SLC26A4: variants seen among roughly 807,000 people sequenced by gnomAD.
SLC26A4 encodes the protein pendrin.
A neutral mutation model predicts 90.4 loss-of-function variants in SLC26A4; 93 were observed. The observed-to-expected ratio is 1.03, with a 90% CI of 0.87 to 1.22. The LOEUF is 1.22. SLC26A4 is among the 50% of genes most tolerant of loss of function. The pLI is 0.00. For missense variants in SLC26A4, 1,127 were observed against 946.2 expected, an observed-to-expected ratio of 1.19 and a Z score of -2.51; for synonymous variants, 393 against 354.6, an observed-to-expected ratio of 1.11 and a Z score of -1.22.
chr7:107,691,205 T>C (rs1267159760), intron 10 of SLC26A4, among the ~76,000 whole-genome samples: 1 of 149,136 alleles, frequency 6.7e-6, no homozygotes, highest in East Asian at 2.0e-4. Context: ...CGGGGACACT[T>C]AAAAAATAAA....
chr7:107,662,117 T>A, intron 2 of SLC26A4: 3 of 460,714 alleles, frequency 6.5e-6, no homozygotes, highest in Non-Finnish European at 1.2e-5. Flanking sequence ...TGGGGTACAG[T>A]GGGTCCCTGT....
rs114760488 is a variant in SLC26A4, at chr7:107,661,268, G to C, written c.-3-371G>C. ...AGCCTTGCAAGCGCCTTTGGCCCCT[G>C]CCCCAGCCCCTCGGTTTGGGGGAGA... On this transcript the variant is annotated intron_variant, in intron 1 of 20. Transcript: ENST00000644269. This position sits in a 1 kb window ranked among gnomAD's most constrained non-coding sequence, Gnocchi z 5.1. The C allele has an allele frequency of 0.041, 13,713 of 337,172 alleles. 322 individuals are homozygous for C. Among genetic ancestry groups the C allele is most frequent in the Middle Eastern group, 0.063 (67 of 1,060 alleles). 20.9% of individuals were successfully genotyped at this position (337,172 alleles called of 1,614,324 possible).
intron 8 of SLC26A4, among the ~76,000 whole-genome samples, chr7:107,686,879 C>T (rs971213449): frequency 2.0e-5 from 3 of 152,188 alleles, no homozygotes; most frequent in Non-Finnish European, 4.4e-5. Context: ...CTCAGGCCTA[C>T]TGTTGTTTTT....
In SLC26A4 at chr7:107,700,171, C is replaced by T; in HGVS notation, c.1703C>T (p.Ser568Phe). ...GATGGTTTTAAAAAATGTATCAAGT[C>T]CACAGTAAGTATTTTATCCCTAGAA... Reference protein sequence around the residue: ...NVDGFKKCIKSTVGFDAIRVY... With the variant: ...NVDGFKKCIKFTVGFDAIRVY... The change falls in exon 15 of 21, where the codon TCC (serine) becomes TTC (phenylalanine). Residue 568 changes from serine to phenylalanine, a missense_variant. Ser to Phe is a radical substitution (Grantham distance 155). Coordinates refer to ENST00000644269, the MANE Select transcript of SLC26A4 (RefSeq NM_000441.2). 6.7e-7 allele frequency: 1 copy of T among 1,490,036 alleles called. No individual in the cohort carries two copies. The highest frequency in any genetic ancestry group is 9.4e-7 in the Non-Finnish European group (1 of 1,066,952). The allele number at this position is 1,490,036 out of a possible 1,614,324, so 92.3% of individuals were successfully genotyped here.
rs772655870 is a variant in SLC26A4 at position 107,689,206 on chromosome 7, G to C, written c.1149+6G>C. ...ACACCATCGATGGGAACCAGGTATG[G>C]GTGCCCTTTTGCTGAACTGGTTTTA... On this transcript the variant is annotated splice_donor_region_variant and intron_variant, in intron 9 of 20. Coordinates refer to ENST00000644269, the MANE Select transcript of SLC26A4 (RefSeq NM_000441.2). The C allele has an allele frequency of 6.2e-7, 1 of 1,613,332 alleles. No homozygotes were observed. Among genetic ancestry groups the C allele is most frequent in the African/African-American group, 1.3e-5 (1 of 74,824 alleles).
chr7:107,715,299 A>T, intron 20 of SLC26A4, 124 bp from the exon 21 acceptor site: 1 of 816,758 alleles, frequency 1.2e-6, no homozygotes, highest in Non-Finnish European at 2.2e-6. Context: ...TATTGTGATG[A>T]TATACACCTA....
chr7:107,664,310 A>G (rs1790651968), intron 3 of SLC26A4, among the ~76,000 whole-genome samples: 2 of 151,540 alleles, frequency 1.3e-5, no homozygotes, highest in South Asian at 4.2e-4. Context: ...GCTCAATGCA[A>G]CCTCTCTGCC....
intron 2 of SLC26A4, among the ~76,000 whole-genome samples, chr7:107,662,953 G>A (rs1790601566): frequency 6.6e-6 from 1 of 152,160 alleles, no homozygotes; most frequent in Non-Finnish European, 1.5e-5. Flanking sequence ...GCCTGGATTA[G>A]GAGTCTGAAA....
intron 10 of SLC26A4, chr7:107,693,381 G>T (rs1267236076): frequency 1.0e-6 from 1 of 985,240 alleles, no homozygotes; most frequent in East Asian, 1.1e-4. Context: ...TGATCAATTT[G>T]CCAGGTAGAG....
At chr7:107,687,243 A>G (rs1481910001) in intron 8 of SLC26A4, among the ~76,000 whole-genome samples, 1 of 152,198 alleles carries the variant, frequency 6.6e-6, no homozygotes, top group East Asian at 1.9e-4. Flanking sequence ...AGGCCCACTG[A>G]GCAAAAAATT....
At chr7:107,669,479 G>C (rs554476821) in intron 3 of SLC26A4, among the ~76,000 whole-genome samples, 111 of 152,314 alleles carry the variant, frequency 7.3e-4, no homozygotes, top group African/African-American at 2.6e-3. Flanking sequence ...AAATAGACAA[G>C]TTGTGCTTTC....
intron 18 of SLC26A4, among the ~76,000 whole-genome samples, chr7:107,707,588 CACA>C (rs1172101938): frequency 4.6e-5 from 7 of 152,262 alleles, no homozygotes; most frequent in Non-Finnish European, 8.8e-5. Context: ...TTCTGTGGCA[CACA>C]ACAATTTAAA....
chr7:107,685,463 C>T (rs1404666881), intron 8 of SLC26A4, among the ~76,000 whole-genome samples: 1 of 152,180 alleles, frequency 6.6e-6, no homozygotes, highest in Non-Finnish European at 1.5e-5. Flanking sequence ...CTGCTTCAAT[C>T]CTCCATTAAG....
chr7:107,713,995 A>C (rs1463075382), intron 20 of SLC26A4, among the ~76,000 whole-genome samples: 1 of 151,992 alleles, frequency 6.6e-6, no homozygotes, highest in African/African-American at 2.4e-5. Context: ...GCTCACTGCA[A>C]TCCCTCCCTC....
At chr7:107,679,793 G>A (rs1014509713) in intron 6 of SLC26A4, among the ~76,000 whole-genome samples, 1 of 140,634 alleles carries the variant, frequency 7.1e-6, no homozygotes, top group Non-Finnish European at 1.5e-5. Flanking sequence ...TTTCTATGTC[G>A]TTAAATATAA....
intron 20 of SLC26A4, among the ~76,000 whole-genome samples, chr7:107,713,460 C>T (rs1792248867): frequency 6.6e-6 from 1 of 152,202 alleles, no homozygotes; most frequent in Non-Finnish European, 1.5e-5. Flanking sequence ...GCAACACAGA[C>T]CTTCCCACTG....
intron 6 of SLC26A4, 63 bp from the exon 7 acceptor site, chr7:107,683,127 TGTGTGTGTGTGC>T (rs1166968074): frequency 2.7e-5 from 28 of 1,033,496 alleles, no homozygotes; most frequent in Non-Finnish European, 4.1e-5. Flanking sequence ...GAGAATTGAT[TGTGTGTGTGTGC>T]GTGTGTGTGT....
chr7:107,681,348 G>A (rs148972955), intron 6 of SLC26A4, among the ~76,000 whole-genome samples: 1 of 152,072 alleles, frequency 6.6e-6, no homozygotes, highest in Non-Finnish European at 1.5e-5. Flanking sequence ...GTTCCAGAGA[G>A]CTGAGGTTGC....
intron 15 of SLC26A4, 81 bp downstream of exon 15, chr7:107,700,256 A>G (rs1419754005): frequency 2.6e-6 from 2 of 757,540 alleles, no homozygotes; most frequent in Non-Finnish European, 4.8e-6. Flanking sequence ...CTGGGGTCCA[A>G]TCAGGAATAG....
Sources: allele counts gnomAD v4.1 joint callset (sites outside exome capture counted in the v4.1 genomes callset), GRCh38; gene constraint gnomAD v4.1.1; non-coding constraint Gnocchi (gnomAD v3.1); transcripts MANE v1.5; gene names NCBI Gene and HGNC (gene_info 2026-07-23, HGNC 2026-07-21).